Variants in GALNT18 observed in about 807,000 individuals in gnomAD.
The protein encoded by GALNT18 is GalNAc-transferase 18.
In GALNT18, 44 loss-of-function variants were observed where a neutral mutation model predicts 69.5. The observed-to-expected ratio is 0.63, with a 90% CI of 0.50 to 0.81. GALNT18 has a LOEUF of 0.81. GALNT18 is among the 40% of genes least tolerant of loss of function. The pLI is 0.00. For synonymous variants in GALNT18, 364 were observed against 318.2 expected (o/e 1.14, Z -1.53); for missense variants, 715 against 810.0 (o/e 0.88, Z 1.42).
intron 1 of GALNT18, among the ~76,000 whole-genome samples, chr11:11,565,882 C>A (rs577577082): frequency 6.6e-6 from 1 of 152,168 alleles, no homozygotes; most frequent in Non-Finnish European, 1.5e-5. Context: ...GGTGCTTGCA[C>A]TAAATCTTTA....
intron 4 of GALNT18, among the ~76,000 whole-genome samples, chr11:11,378,511 T>TC (rs1853830660): frequency 6.6e-6 from 1 of 152,052 alleles, no homozygotes; most frequent in Non-Finnish European, 1.5e-5. Flanking sequence ...CTGGTCCCTT[T>TC]CCCCCCAGCA....
intron 10 of GALNT18, among the ~76,000 whole-genome samples, chr11:11,280,075 A>G (rs1312611681): frequency 6.6e-6 from 1 of 152,102 alleles, no homozygotes; most frequent in African/African-American, 2.4e-5. Flanking sequence ...CCGATCACAC[A>G]AACCTATTCA....
chr11:11,359,479 G>A (rs2133077971), intron 6 of GALNT18, among the ~76,000 whole-genome samples: 1 of 91,328 alleles, frequency 1.1e-5, no homozygotes, highest in African/African-American at 4.0e-5. Context: ...CTGCTCCCCT[G>A]AGCCCAGATT....
intron 1 of GALNT18, among the ~76,000 whole-genome samples, chr11:11,524,251 T>G (rs1857469162): frequency 6.6e-6 from 1 of 152,150 alleles, no homozygotes; most frequent in Admixed American, 6.6e-5. Flanking sequence ...GTCTAACAAA[T>G]GAGGAAATTG....
Position 11,606,921 on chromosome 11 carries a change from T to A in GALNT18, c.235+14438A>T, listed in dbSNP as rs1470083683. Among the ~76,000 whole-genome samples, 5 of 152,186 alleles carry A rather than the reference T, an allele frequency of 3.3e-5. No homozygotes were observed. The highest frequency in any genetic ancestry group is 1.9e-4 in the East Asian group (1 of 5,194). On this transcript the variant is annotated intron_variant, in intron 1 of 10. Coordinates refer to ENST00000227756, the MANE Select transcript of GALNT18 (RefSeq NM_198516.3). The surrounding 1 kb of genome is among the most constrained non-coding windows in gnomAD (Gnocchi z 5.4). ...CAGTTTGAGGGTGAGGATGCTGATGTTATTTGCAACTCTAACATGGTCTGA... is the reference window on the plus strand; with the variant it reads ...CAGTTTGAGGGTGAGGATGCTGATGATATTTGCAACTCTAACATGGTCTGA...
intron 9 of GALNT18, among the ~76,000 whole-genome samples, chr11:11,308,260 G>A (rs1472711633): frequency 1.3e-5 from 2 of 152,184 alleles, no homozygotes; most frequent in African/African-American, 4.8e-5. Flanking sequence ...AGATTTCCTG[G>A]AGGAAACCAG....
In GALNT18 at chr11:11,573,796, C is replaced by G. The variant is rs550414906; in HGVS notation, c.235+47563G>C. 1 of 152,326 alleles carries G rather than the reference C, an allele frequency of 6.6e-6. No homozygotes were observed. The highest frequency in any genetic ancestry group is 1.5e-5 in the Non-Finnish European group (1 of 68,132). The allele number at this position is 152,326 out of a possible 1,614,324, so 9.4% of individuals were successfully genotyped here. A position where few individuals can be genotyped will look rare whatever the true frequency, so the allele number is the denominator to read the frequency against. On this transcript the variant is annotated intron_variant, in intron 1 of 10. Transcript: ENST00000227756. The surrounding 1 kb of genome is among the most constrained non-coding windows in gnomAD (Gnocchi z 4.6). ...GAAGATGCCCATGCATGAGCGTCGA[C>G]GGTGACTTCCCGAGGCTGGACGGCG...
Position 11,465,709 on chromosome 11 carries a change from C to G in GALNT18, c.236-16773G>C, listed in dbSNP as rs1856140846. ...GTATAAGACATACCACGGTTAGCTC[C>G]TGGACCATGGACCTGGGCAAGGTCA... On this transcript the variant is annotated intron_variant, in intron 1 of 10. Coordinates refer to ENST00000227756, the MANE Select transcript of GALNT18 (RefSeq NM_198516.3). The surrounding 1 kb of genome is among the most constrained non-coding windows in gnomAD (Gnocchi z 5.7). Among the ~76,000 whole-genome samples, 1 of 152,130 alleles carries G rather than the reference C, an allele frequency of 6.6e-6. No individual in the cohort carries two copies. Among genetic ancestry groups the G allele is most frequent in the African/African-American group, 2.4e-5 (1 of 41,434 alleles).
Position 11,503,191 on chromosome 11 carries a change from T to C in GALNT18, c.236-54255A>G, listed in dbSNP as rs189903621. Among the ~76,000 whole-genome samples the C allele has an allele frequency of 2.2e-4, 34 of 152,234 alleles. No homozygotes were observed. In the South Asian group the frequency reaches 3.9e-3, roughly 18 times the overall value. On this transcript the variant is annotated intron_variant, in intron 1 of 10. Coordinates refer to ENST00000227756, the MANE Select transcript of GALNT18 (RefSeq NM_198516.3). ...CAGATAGTGAAGGCATCGGAGGTAATATGCTTTAGGAGGAACAGTGAGATT... is the reference window on the plus strand; with the variant it reads ...CAGATAGTGAAGGCATCGGAGGTAACATGCTTTAGGAGGAACAGTGAGATT...
chr11:11,285,510 G>A (rs1259407015), intron 10 of GALNT18, among the ~76,000 whole-genome samples: 1 of 152,184 alleles, frequency 6.6e-6, no homozygotes. Flanking sequence ...CCTGATATCT[G>A]TGGGATGAGG....
Position 11,461,743 on chromosome 11 carries a change from G to A in GALNT18, c.236-12807C>T, listed in dbSNP as rs374670720. On this transcript the variant is annotated intron_variant, in intron 1 of 10. Coordinates refer to ENST00000227756, the MANE Select transcript of GALNT18 (RefSeq NM_198516.3). The surrounding 1 kb of genome is among the most constrained non-coding windows in gnomAD (Gnocchi z 4.1). ...GCATGCTTCCCTGACACAGACACAC[G>A]GATGGGAACAGCTGGGCTAGACAGG... Among the ~76,000 whole-genome samples, 39 of 152,180 alleles carry A rather than the reference G, an allele frequency of 2.6e-4. No homozygotes were observed. Among genetic ancestry groups the A allele is most frequent in the African/African-American group, 8.4e-4 (35 of 41,438 alleles).
chr11:11,425,048 A>G (rs1487125111), intron 3 of GALNT18, among the ~76,000 whole-genome samples: 1 of 152,194 alleles, frequency 6.6e-6, no homozygotes, highest in African/African-American at 2.4e-5. Flanking sequence ...GAAGTGGCAC[A>G]CTGGCAGGTT....
At chr11:11,345,151 T>C (rs747077320) in intron 6 of GALNT18, among the ~76,000 whole-genome samples, 1 of 152,156 alleles carries the variant, frequency 6.6e-6, no homozygotes, top group Non-Finnish European at 1.5e-5. Context: ...CTGGTCAACA[T>C]TTCCAGTCTC....
At chr11:11,271,962 G>A (rs1848837207) in intron 10 of GALNT18, among the ~76,000 whole-genome samples, 1 of 152,086 alleles carries the variant, frequency 6.6e-6, no homozygotes. Flanking sequence ...ATCTTTTCAG[G>A]GCTTGGACCC....
At chr11:11,420,703 C>G (rs1443456690) in intron 3 of GALNT18, among the ~76,000 whole-genome samples, 1 of 152,156 alleles carries the variant, frequency 6.6e-6, no homozygotes, top group Non-Finnish European at 1.5e-5. Flanking sequence ...GGCTGGGTGC[C>G]AAGAATGAAC....
chr11:11,577,683 G>C (rs911237851), intron 1 of GALNT18, among the ~76,000 whole-genome samples: 5 of 152,202 alleles, frequency 3.3e-5, no homozygotes, highest in Non-Finnish European at 7.3e-5. Context: ...GAGGATTCGG[G>C]ACCATGCCCT....
rs7112722 is a variant in GALNT18 at position 11,596,801 on chromosome 11, T to C, written c.235+24558A>G. ...TTATGTCATCTGCAAACAGAGATAG[T>C]TTTACTTTCTTTAAAACATCTGGTA... On this transcript the variant is annotated intron_variant, in intron 1 of 10. Transcript: ENST00000227756. The surrounding 1 kb of genome is among the most constrained non-coding windows in gnomAD (Gnocchi z 4.2). Among the ~76,000 whole-genome samples, 3,775 of 152,212 alleles carry C rather than the reference T, an allele frequency of 0.025. 169 individuals are homozygous for C. The highest frequency in any genetic ancestry group is 0.087 in the African/African-American group (3,596 of 41,514).
intron 10 of GALNT18, among the ~76,000 whole-genome samples, chr11:11,275,678 A>G (rs1190851013): frequency 6.6e-6 from 1 of 152,204 alleles, no homozygotes; most frequent in Non-Finnish European, 1.5e-5. Context: ...CTTACATTTA[A>G]GTCTTTTATC....
intron 6 of GALNT18, among the ~76,000 whole-genome samples, chr11:11,342,472 T>C (rs1007061046): frequency 6.6e-6 from 1 of 152,154 alleles, no homozygotes; most frequent in African/African-American, 2.4e-5. Context: ...AGATTTGGAT[T>C]TAGCTTGTTT....
Sources: gnomAD v4.1 joint callset for allele counts (sites outside exome capture counted in the v4.1 genomes callset) on GRCh38, gnomAD v4.1.1 for gene constraint, Gnocchi (gnomAD v3.1) non-coding constraint, MANE v1.5 for transcripts, NCBI Gene and HGNC (gene_info 2026-07-23, HGNC 2026-07-21) for gene names.